Variants in HMCN1 observed in about 807,000 individuals in gnomAD.
The protein encoded by HMCN1 is hemicentin 1, also known as hemicentin-1.
In HMCN1, 321 loss-of-function variants were observed where a neutral mutation model predicts 625.9. The observed-to-expected ratio is 0.51, with a 90% CI of 0.47 to 0.56. HMCN1 has a LOEUF of 0.56. Ranked by LOEUF, HMCN1 falls within the 20% of genes least tolerant of loss-of-function variation. HMCN1 has a pLI of 0.00. For missense variants in HMCN1, 6,588 were observed against 6,887.3 expected, an observed-to-expected ratio of 0.96 and a Z score of 1.54; for synonymous variants, 2,425 against 2,417.6, an observed-to-expected ratio of 1.00 and a Z score of -0.09.
At chr1:186,074,481 G>A (rs905759994) in intron 52 of HMCN1, among the ~76,000 whole-genome samples, 10 of 151,902 alleles carry the variant, frequency 6.6e-5, no homozygotes, top group Non-Finnish European at 1.5e-5. Context: ...TCATAAAAAT[G>A]TATAAATGCA....
chr1:185,937,636 C>A (rs1365023755), intron 11 of HMCN1, among the ~76,000 whole-genome samples: 1 of 152,074 alleles, frequency 6.6e-6, no homozygotes, highest in Non-Finnish European at 1.5e-5. Flanking sequence ...AATCCCAGCA[C>A]TTTGGGAGGC....
chr1:186,002,156 T>C (rs950873613), intron 28 of HMCN1, among the ~76,000 whole-genome samples: 1 of 152,072 alleles, frequency 6.6e-6, no homozygotes, highest in African/African-American at 2.4e-5. Context: ...CTGGAAAAGG[T>C]AGTAAATCCA....
chr1:185,782,892 T>A (rs543337303), intron 1 of HMCN1, among the ~76,000 whole-genome samples: 2 of 152,312 alleles, frequency 1.3e-5, no homozygotes, highest in African/African-American at 4.8e-5. Context: ...AATGTTGGTC[T>A]GCTTTGCTAG....
chr1:186,068,082 C>A, intron 50 of HMCN1, 75 bp downstream of exon 50: 1 of 1,348,486 alleles, frequency 7.4e-7, no homozygotes. Flanking sequence ...TCATTGGTTA[C>A]TTTTTATAAA....
rs368807857 is a variant in HMCN1, at chr1:185,752,533, A to G, written c.268+17486A>G. On this transcript the variant is annotated intron_variant, in intron 1 of 106. Transcript: ENST00000271588. ...AACTATTTCTTTAAAAGGAAATTCTATATTTTGCCCAGTGTTTCTGTTTTG... is the reference window on the plus strand; with the variant it reads ...AACTATTTCTTTAAAAGGAAATTCTGTATTTTGCCCAGTGTTTCTGTTTTG... Among the ~76,000 whole-genome samples, 21 of 152,242 alleles carry G rather than the reference A, an allele frequency of 1.4e-4. No homozygotes were observed. The South Asian group carries it at 3.9e-3, about 29-fold the overall frequency.
chr1:186,057,280 T>A lies in HMCN1; in HGVS notation c.7191T>A (p.Ser2397Arg). The change falls in exon 46 of 107, where the codon AGT (serine) becomes AGA (arginine). Residue 2397 changes from serine (S) to arginine (R), a missense_variant. By Grantham distance (110) the Ser-to-Arg change is moderately radical. Around this residue, in one of 3 missense-constraint regions of HMCN1, gnomAD observed 4,628 missense variants for 4,853.1 expected, o/e 0.95. Transcript: ENST00000271588. ...ACCACAGGTCACCTGAAAATATTAG[T>A]GTGGTAGAAAAGAACTCAGTATCTT... ...IGNHRSPENI[S>R]VVEKNSVSLT... The A allele has an allele frequency of 6.2e-7, 1 of 1,611,470 alleles. No individual in the cohort carries two copies.
At chr1:186,146,743 C>T (rs1202347512) in intron 93 of HMCN1, among the ~76,000 whole-genome samples, 2 of 152,174 alleles carry the variant, frequency 1.3e-5, no homozygotes, top group East Asian at 1.9e-4. Flanking sequence ...GACTTTGAGG[C>T]TCCAGCTGAG....
intron 15 of HMCN1, among the ~76,000 whole-genome samples, chr1:185,973,840 T>C (rs1332938121): frequency 1.3e-5 from 2 of 152,178 alleles, no homozygotes; most frequent in East Asian, 3.9e-4. Context: ...TAGCATTCCA[T>C]ACCACACAGG....
At chr1:186,014,455 A>AT (rs1654221696) in intron 30 of HMCN1, among the ~76,000 whole-genome samples, 1 of 151,936 alleles carries the variant, frequency 6.6e-6, no homozygotes, top group African/African-American at 2.4e-5. Flanking sequence ...ATGCCATTTG[A>AT]TTTTTTTAAA....
chr1:185,937,391 A>G (rs1285561689), intron 11 of HMCN1, among the ~76,000 whole-genome samples: 1 of 152,212 alleles, frequency 6.6e-6, no homozygotes, highest in Non-Finnish European at 1.5e-5. Flanking sequence ...AAAGAGAGCA[A>G]GAGAGCAAAT....
chr1:185,994,741 G>C, intron 23 of HMCN1, 74 bp from the exon 24 acceptor site: 1 of 1,416,846 alleles, frequency 7.1e-7, no homozygotes, highest in African/African-American at 1.4e-5. Context: ...TGTTGATAAG[G>C]AGCTCTCGTT....
chr1:186,137,399 A>G (rs771645760), intron 87 of HMCN1, 99 bp from the exon 88 acceptor site: 8 of 1,307,608 alleles, frequency 6.1e-6, no homozygotes, highest in Non-Finnish European at 8.6e-6. Context: ...CTCAGCAACT[A>G]TATATTTAGC....
intron 1 of HMCN1, among the ~76,000 whole-genome samples, chr1:185,744,619 T>C (rs982228866): frequency 4.6e-5 from 7 of 152,198 alleles, no homozygotes; most frequent in Non-Finnish European, 1.0e-4. Flanking sequence ...CAATATACTA[T>C]ACTATGCTAC....
chr1:186,102,153 C>T (rs1660410414), intron 68 of HMCN1, among the ~76,000 whole-genome samples: 1 of 152,060 alleles, frequency 6.6e-6, no homozygotes, highest in Non-Finnish European at 1.5e-5. Context: ...CAGTAAGCAA[C>T]ATGGAGCCAT....
chr1:185,993,618 G>C (rs959328955), intron 23 of HMCN1, among the ~76,000 whole-genome samples: 2 of 151,996 alleles, frequency 1.3e-5, no homozygotes, highest in Non-Finnish European at 2.9e-5. Context: ...ATGTGTTTAA[G>C]CCGGTAGCAT....
At chr1:186,113,635 T>A (rs1192764078) in intron 72 of HMCN1, among the ~76,000 whole-genome samples, 1 of 152,234 alleles carries the variant, frequency 6.6e-6, no homozygotes, top group Non-Finnish European at 1.5e-5. Flanking sequence ...AGTGTTAGCA[T>A]TCTCTGACCA....
chr1:186,053,115 A>T (rs1232302800), intron 43 of HMCN1, 41 bp downstream of exon 43: 1 of 1,524,254 alleles, frequency 6.6e-7, no homozygotes, highest in Non-Finnish European at 9.1e-7. Context: ...TAAAGAAAAT[A>T]TAAGATGGAT....
intron 4 of HMCN1, among the ~76,000 whole-genome samples, chr1:185,908,629 C>G (rs1250376656): frequency 2.0e-5 from 3 of 151,730 alleles, no homozygotes; most frequent in Non-Finnish European, 4.4e-5. Flanking sequence ...TTTTTAAAAC[C>G]CAATTTCTTT....
chr1:186,055,373 T>G lies in HMCN1; in HGVS notation c.6863-20T>G. On this transcript the variant is annotated intron_variant, in intron 44 of 106. Transcript: ENST00000271588. ...AAACATTTCCTCTTTTGTTTCTTTT[T>G]ATCTTCCTCCAACCCTCAGTTAGAC... 6.2e-7 allele frequency: 1 copy of G among 1,611,150 alleles called. No homozygotes were observed. The highest frequency in any genetic ancestry group is 1.7e-4 in the Middle Eastern group (1 of 6,042).
Sources: allele counts gnomAD v4.1 joint callset (sites outside exome capture counted in the v4.1 genomes callset), GRCh38; gene constraint gnomAD v4.1.1; regional missense constraint gnomAD v4.1.1; transcripts MANE v1.5; gene names NCBI Gene and HGNC (gene_info 2026-07-23, HGNC 2026-07-21).